Variants in MARCHF11 observed in about 807,000 individuals in gnomAD.
The protein encoded by MARCHF11 is membrane associated ring-CH-type finger 11.
MARCHF11 carries 29 observed loss-of-function variants against 37.3 expected under a neutral mutation model. The observed-to-expected ratio is 0.78, with a 90% CI of 0.58 to 1.06. The LOEUF (loss-of-function observed/expected upper bound fraction) is 1.06. Ranked by LOEUF, MARCHF11 falls within the 50% of genes least tolerant of loss-of-function variation. MARCHF11 has a pLI of 0.00. For missense variants in MARCHF11, 482 were observed against 533.4 expected, an observed-to-expected ratio of 0.90 and a Z score of 0.95; for synonymous variants, 233 against 228.0, an observed-to-expected ratio of 1.02 and a Z score of -0.20.
At chr5:16,173,836 T>C (rs562464917) in intron 2 of MARCHF11, among the ~76,000 whole-genome samples, 2 of 152,168 alleles carry the variant, frequency 1.3e-5, no homozygotes, top group South Asian at 2.1e-4. Context: ...ATTTCACACA[T>C]ATTTATGTGT....
intron 2 of MARCHF11, among the ~76,000 whole-genome samples, chr5:16,148,178 A>G (rs1737829149): frequency 6.6e-6 from 1 of 152,142 alleles, no homozygotes; most frequent in African/African-American, 2.4e-5. Context: ...GGAGGAATTA[A>G]GTATACAAAC....
chr5:16,174,753 T>C (rs1738327726), intron 2 of MARCHF11, among the ~76,000 whole-genome samples: 1 of 152,156 alleles, frequency 6.6e-6, no homozygotes, highest in African/African-American at 2.4e-5. Flanking sequence ...TACCCGGACT[T>C]TATGAGGACC....
chr5:16,178,208 G>A (rs1477438954), intron 1 of MARCHF11, among the ~76,000 whole-genome samples: 1 of 152,152 alleles, frequency 6.6e-6, no homozygotes, highest in Non-Finnish European at 1.5e-5. Context: ...CATTTCCTCT[G>A]CAGTTATTCT....
intron 3 of MARCHF11, among the ~76,000 whole-genome samples, chr5:16,077,059 CAATTTATGAAT>C (rs1178183960): frequency 2.0e-5 from 3 of 152,322 alleles, no homozygotes; most frequent in Admixed American, 2.0e-4. Context: ...GCAACCTTCA[CAATTTATGAAT>C]ATAAATAACT....
At position 16,067,576 on chromosome 5, in the gene MARCHF11, C is replaced by T. The variant is rs1259780254; in HGVS notation, c.1104G>A (p.Gln368=). ...HPTQLTSPRF[Q]CGYVLLHLFN... ...ACAGGTGCAATAACACATAGCCACA[C>T]TGAAACCTTGGTGAGGTTAACTGAG... is the stretch of plus-strand genomic sequence containing the variant. The change falls in exon 4 of 4, where the codon CAG becomes CAA. Residue 368 remains glutamine (Q), a synonymous_variant. Coordinates refer to ENST00000332432, the MANE Select transcript of MARCHF11 (RefSeq NM_001102562.3). The T allele has an allele frequency of 2.5e-6, 4 of 1,613,880 alleles. No homozygotes were observed. In the African/African-American group the frequency reaches 4.0e-5, roughly 16 times the overall value.
intron 2 of MARCHF11, among the ~76,000 whole-genome samples, chr5:16,158,300 T>C (rs1221019682): frequency 6.6e-6 from 1 of 151,984 alleles, no homozygotes; most frequent in African/African-American, 2.4e-5. Flanking sequence ...AACTGCTGTA[T>C]GATCCATAGA....
At chr5:16,175,608 T>C (rs1401501052) in intron 2 of MARCHF11, among the ~76,000 whole-genome samples, 1 of 152,234 alleles carries the variant, frequency 6.6e-6, no homozygotes, top group Non-Finnish European at 1.5e-5. Context: ...GTCATGAAGA[T>C]TAAATATCAG....
chr5:16,092,106 G>A (rs900619694), intron 2 of MARCHF11, among the ~76,000 whole-genome samples: 5 of 152,224 alleles, frequency 3.3e-5, no homozygotes, highest in South Asian at 4.1e-4. Context: ...CTGAAATTTC[G>A]TCAAACCCTT....
chr5:16,100,586 G>A (rs568382416), intron 2 of MARCHF11, among the ~76,000 whole-genome samples: 21 of 152,290 alleles, frequency 1.4e-4, no homozygotes, highest in East Asian at 9.7e-4. Flanking sequence ...CAGGACATGA[G>A]CAACATTAGT....
chr5:16,179,033 C>A lies in MARCHF11; in HGVS notation c.537+6G>T. On this transcript the variant is annotated splice_donor_region_variant and intron_variant, in intron 1 of 3. Transcript: ENST00000332432. Reference sequence around the variant, plus strand: ...CCGGCTGCCTCGGGGTCTCGCCGGGCCTTACCTGCTCCGCGCCCTGGAAGC... The same window carrying A: ...CCGGCTGCCTCGGGGTCTCGCCGGGACTTACCTGCTCCGCGCCCTGGAAGC... The A allele has an allele frequency of 6.8e-7, 1 of 1,466,836 alleles. No homozygotes were observed. The highest frequency in any genetic ancestry group is 2.9e-5 in the East Asian group (1 of 34,472). 90.9% of individuals were successfully genotyped at this position (1,466,836 alleles called of 1,614,324 possible). A position where few individuals can be genotyped will look rare whatever the true frequency, so the allele number is the denominator to read the frequency against.
chr5:16,173,980 T>C (rs1309839365), intron 2 of MARCHF11, among the ~76,000 whole-genome samples: 1 of 152,252 alleles, frequency 6.6e-6, no homozygotes, highest in Non-Finnish European at 1.5e-5. Flanking sequence ...TAGCTTTTTC[T>C]TTGTTTAGGC....
chr5:16,080,430 A>G (rs76822042), intron 3 of MARCHF11, among the ~76,000 whole-genome samples: 4,132 of 152,252 alleles, frequency 0.027, 174 homozygotes, highest in African/African-American at 0.094. Flanking sequence ...ACTGGTTTCA[A>G]CTACCAGATA....
At chr5:16,107,433 A>C (rs10074672) in intron 2 of MARCHF11, among the ~76,000 whole-genome samples, 6,976 of 152,168 alleles carry the variant, frequency 0.046, 438 homozygotes, top group African/African-American at 0.15. Context: ...TTTGACAAAA[A>C]TTTTGTGATT....
At chr5:16,166,617 T>C (rs1031877762) in intron 2 of MARCHF11, among the ~76,000 whole-genome samples, 1 of 152,014 alleles carries the variant, frequency 6.6e-6, no homozygotes, top group Non-Finnish European at 1.5e-5. Context: ...ATTTCATAGA[T>C]ATGTAAATTT....
chr5:16,117,210 C>A (rs879756651), intron 2 of MARCHF11, among the ~76,000 whole-genome samples: 4 of 152,238 alleles, frequency 2.6e-5, no homozygotes, highest in Admixed American at 6.5e-5. Context: ...AGCTAAGCAC[C>A]AGGATTGCTC....
intron 2 of MARCHF11, among the ~76,000 whole-genome samples, chr5:16,133,971 G>T (rs1404967029): frequency 6.6e-6 from 1 of 152,096 alleles, no homozygotes; most frequent in Non-Finnish European, 1.5e-5. Context: ...CAGAAAATTG[G>T]CCAAAGGACC....
At chr5:16,109,317 C>G (rs548958702) in intron 2 of MARCHF11, among the ~76,000 whole-genome samples, 1 of 152,150 alleles carries the variant, frequency 6.6e-6, no homozygotes, top group Non-Finnish European at 1.5e-5. Context: ...TTTTTAGCCC[C>G]GCTTCCTGAA....
intron 2 of MARCHF11, among the ~76,000 whole-genome samples, chr5:16,138,374 G>C (rs1025934985): frequency 6.6e-6 from 1 of 152,186 alleles, no homozygotes; most frequent in Non-Finnish European, 1.5e-5. Context: ...GCCCGCAAGT[G>C]CTCAGAAGTA....
intron 2 of MARCHF11, among the ~76,000 whole-genome samples, chr5:16,107,249 T>C (rs529149452): frequency 1.8e-4 from 28 of 152,290 alleles, no homozygotes; most frequent in Admixed American, 3.3e-4. Context: ...TTTCTAGAGT[T>C]TTTCCTCTCC....
Sources: allele counts gnomAD v4.1 joint callset (sites outside exome capture counted in the v4.1 genomes callset), GRCh38; gene constraint gnomAD v4.1.1; transcripts MANE v1.5; gene names NCBI Gene and HGNC (gene_info 2026-07-23, HGNC 2026-07-21).